IGFL2: variants seen among roughly 807,000 people sequenced by gnomAD.
The protein encoded by IGFL2 is IGF like family member 2.
In IGFL2, 7 loss-of-function variants were observed where a neutral mutation model predicts 13.9. That is an observed-to-expected ratio of 0.51 (90% CI 0.29 to 0.95). The LOEUF (loss-of-function observed/expected upper bound fraction) is 0.95, where lower values mean the gene tolerates loss of function less well. Ranked by LOEUF, IGFL2 falls within the 40% of genes least tolerant of loss-of-function variation. IGFL2 has a pLI of 0.08. For synonymous variants in IGFL2, 55 were observed against 55.8 expected (o/e 0.99, Z 0.07); for missense variants, 138 against 147.8 (o/e 0.93, Z 0.34).
chr19:46,101,575 G>C, the IGFL2 span, among the ~76,000 whole-genome samples: 2 of 152,268 alleles, frequency 1.3e-5, no homozygotes, highest in African/African-American at 4.8e-5. Context: ...CCTGGCACCA[G>C]CAGGGGAAAA....
chr19:46,116,406 T>A, the IGFL2 span, among the ~76,000 whole-genome samples: 1 of 152,208 alleles, frequency 6.6e-6, no homozygotes, highest in Non-Finnish European at 1.5e-5. Flanking sequence ...AATCCTAGAT[T>A]TTAGTAATTA....
intron 1 of IGFL2, among the ~76,000 whole-genome samples, chr19:46,149,875 G>A (rs1362590973): frequency 1.3e-5 from 2 of 152,184 alleles, no homozygotes; most frequent in Admixed American, 1.3e-4. Flanking sequence ...CCTGTTTTCA[G>A]TTATCTTGGG....
At chr19:46,201,100 A>G in the IGFL2 span, among the ~76,000 whole-genome samples, 1 of 152,218 alleles carries the variant, frequency 6.6e-6, no homozygotes, top group East Asian at 1.9e-4. Context: ...GCAGAGAGCA[A>G]TGGAGAAGGA....
the IGFL2 span, chr19:46,214,241 G>T: frequency 1.3e-5 from 2 of 152,226 alleles, no homozygotes; most frequent in Admixed American, 1.3e-4. Flanking sequence ...AACAAGCCCA[G>T]AGTCGGGGCT....
chr19:46,095,807 T>A, the IGFL2 span, among the ~76,000 whole-genome samples: 1 of 152,208 alleles, frequency 6.6e-6, no homozygotes, highest in Non-Finnish European at 1.5e-5. Flanking sequence ...CCATTGCTTG[T>A]CTGTGTCAGG....
the IGFL2 span, among the ~76,000 whole-genome samples, chr19:46,078,834 A>G: frequency 6.6e-6 from 1 of 152,078 alleles, no homozygotes; most frequent in African/African-American, 2.4e-5. Flanking sequence ...GACATCGCGC[A>G]GGCGTCGTCA....
At chr19:46,094,414 G>A in the IGFL2 span, among the ~76,000 whole-genome samples, 1 of 152,060 alleles carries the variant, frequency 6.6e-6, no homozygotes. Flanking sequence ...TATTCAAAAT[G>A]ATAGAAGTCT....
At chr19:46,131,280 T>C in the IGFL2 span, among the ~76,000 whole-genome samples, 30 of 152,234 alleles carry the variant, frequency 2.0e-4, no homozygotes, top group Admixed American at 1.9e-3. Context: ...TTCTAGGTAG[T>C]GTCTGGTTCA....
chr19:46,111,235 A>G, the IGFL2 span: 3 of 152,592 alleles, frequency 2.0e-5, no homozygotes, highest in East Asian at 1.9e-4. Context: ...CTTTACTCCT[A>G]CAACTTGCAG....
At chr19:46,141,718 T>C (rs117563384), upstream of IGFL2, among the ~76,000 whole-genome samples, 40 of 152,188 alleles carry the variant, frequency 2.6e-4, no homozygotes, top group East Asian at 7.5e-3. Context: ...TCTCCCCATC[T>C]TCCCACCCTG....
At chr19:46,175,217 C>T in the IGFL2 span, among the ~76,000 whole-genome samples, 1 of 152,108 alleles carries the variant, frequency 6.6e-6, no homozygotes, top group Non-Finnish European at 1.5e-5. Flanking sequence ...TATGTATTAC[C>T]TTATTTTATT....
chr19:46,153,778 T>G (rs139144893), intron 1 of IGFL2, among the ~76,000 whole-genome samples: 19 of 150,294 alleles, frequency 1.3e-4, no homozygotes, highest in South Asian at 4.2e-4. Context: ...GTTCTTTTTT[T>G]GGGGTAGCTT....
At chr19:46,102,961 AG>A in the IGFL2 span, among the ~76,000 whole-genome samples, 1 of 152,210 alleles carries the variant, frequency 6.6e-6, no homozygotes, top group Non-Finnish European at 1.5e-5. Context: ...TGGGTTTATT[AG>A]AAGGAACATT....
the IGFL2 span, chr19:46,202,738 C>G: frequency 2.0e-5 from 3 of 152,018 alleles, no homozygotes; most frequent in Non-Finnish European, 4.4e-5. Flanking sequence ...TCTGTCTCTA[C>G]CAGAAACGGA....
chr19:46,160,524 G>C, intron 2 of IGFL2, 56 bp downstream of exon 2: 1 of 1,612,360 alleles, frequency 6.2e-7, no homozygotes. Context: ...TGGAAAGTGG[G>C]CATGGGGGTT....
chr19:46,200,472 C>CCCTTT, the IGFL2 span, among the ~76,000 whole-genome samples: 2 of 48,610 alleles, frequency 4.1e-5, no homozygotes, highest in African/African-American at 1.4e-4. Context: ...CCACACCTGG[C>CCCTTT]CCTTTTCTTT....
chr19:46,145,894 G>A (rs916552294), upstream of IGFL2, among the ~76,000 whole-genome samples: 1 of 152,136 alleles, frequency 6.6e-6, no homozygotes, highest in African/African-American at 2.4e-5. Flanking sequence ...CAAGTCCTAT[G>A]TTAGAGATGT....
At chr19:46,144,449 C>T (rs896237055), upstream of IGFL2, among the ~76,000 whole-genome samples, 1 of 151,950 alleles carries the variant, frequency 6.6e-6, no homozygotes, top group Non-Finnish European at 1.5e-5. Context: ...TGGTTGATAT[C>T]GTATCATATC....
At chr19:46,102,345 A>G in the IGFL2 span, among the ~76,000 whole-genome samples, 1 of 152,188 alleles carries the variant, frequency 6.6e-6, no homozygotes, top group Non-Finnish European at 1.5e-5. Flanking sequence ...TACGTTTGGG[A>G]TAGGCGGTGG....
Sources: gnomAD v4.1 joint callset for allele counts (sites outside exome capture counted in the v4.1 genomes callset) on GRCh38, gnomAD v4.1.1 for gene constraint, MANE v1.5 for transcripts, NCBI Gene and HGNC (gene_info 2026-07-23, HGNC 2026-07-21) for gene names.